Variants in PIGF observed in about 807,000 individuals in gnomAD.
The protein encoded by PIGF is GPI ethanolamine phosphate transferase, stabilizing subunit.
PIGF carries 23 observed loss-of-function variants against 26.0 expected under a neutral mutation model. The observed-to-expected ratio is 0.88, with a 90% confidence interval of 0.64 to 1.25. PIGF has a LOEUF of 1.25. PIGF is among the 50% of genes most tolerant of loss of function. The pLI is 0.00. For synonymous variants in PIGF, 93 were observed against 92.6 expected (o/e 1.00, Z -0.03); for missense variants, 278 against 249.9 (o/e 1.11, Z -0.76).
At chr2:46,582,935 A>G (rs574609440) in intron 5 of PIGF, 2 of 152,390 alleles carry the variant, frequency 1.3e-5, no homozygotes, top group South Asian at 4.1e-4. Flanking sequence ...GGTGGTTCAC[A>G]TTAAAGTATC....
Position 46,581,455 on chromosome 2 carries a change from A to G in PIGF, c.*23T>C, listed in dbSNP as rs1669369118. The G allele has an allele frequency of 1.9e-6, 3 of 1,606,494 alleles. No homozygotes were observed. Among genetic ancestry groups the G allele is most frequent in the Non-Finnish European group, 2.5e-6 (3 of 1,176,856 alleles). On this transcript the variant is annotated 3_prime_UTR_variant, in exon 6 of 6. Coordinates refer to ENST00000281382, the MANE Select transcript of PIGF (RefSeq NM_002643.4). ...CCCAGCCCTTACAGAATCTGCACAA[A>G]GAAATATCTCCCTTTGCTCCAGTTA...
chr2:46,616,668 C>G (rs1263320335), intron 1 of PIGF: 3 of 155,638 alleles, frequency 1.9e-5, no homozygotes, highest in Non-Finnish European at 4.3e-5. Context: ...CAGCCCCACC[C>G]CAACCCGGGT....
intron 5 of PIGF, among the ~76,000 whole-genome samples, chr2:46,584,745 AT>A (rs1022703257): frequency 7.2e-5 from 11 of 152,166 alleles, no homozygotes. Flanking sequence ...TGAAATAAGC[AT>A]TTCTTAATCG....
chr2:46,607,416 A>G (rs1226796165), intron 4 of PIGF, among the ~76,000 whole-genome samples: 1 of 152,238 alleles, frequency 6.6e-6, no homozygotes, highest in African/African-American at 2.4e-5. Flanking sequence ...GTTCCAGACC[A>G]CCAGAATAAA....
At position 46,613,761 on chromosome 2, in the gene PIGF, T is replaced by C. The variant is rs373359697; in HGVS notation, c.253A>G (p.Ile85Val). 20 of 1,553,990 alleles carry C rather than the reference T, an allele frequency of 1.3e-5. No homozygotes were observed. In the South Asian group the frequency reaches 1.6e-4, roughly 12 times the overall value. Residue 85 changes from isoleucine (I) to valine (V), a missense_variant, in exon 3 of 6, where the codon ATC (isoleucine) becomes GTC (valine). Physicochemically the swap from Ile to Val is conservative, Grantham distance 29. Coordinates refer to ENST00000281382, the MANE Select transcript of PIGF (RefSeq NM_002643.4). ...HKVTGFLKCCIYFLMSCFSFH... is the reference protein window; with the variant it reads ...HKVTGFLKCCVYFLMSCFSFH... ...GAGAAACAAGACATAAGAAAGTAGA[T>C]ACAGCATTTCAAAAATCCAGTTACC...
chr2:46,600,897 A>AT (rs1310987873), intron 4 of PIGF, among the ~76,000 whole-genome samples: 2 of 151,970 alleles, frequency 1.3e-5, no homozygotes, highest in Non-Finnish European at 2.9e-5. Context: ...TAGTTTAACT[A>AT]TTTTGTTTTA....
chr2:46,594,501 G>A (rs6733143), intron 4 of PIGF, among the ~76,000 whole-genome samples: 17,947 of 151,566 alleles, frequency 0.12, 1,304 homozygotes, highest in African/African-American at 0.21. Context: ...GTGGAAGAAC[G>A]AGAAATAAGG....
chr2:46,596,839 A>G (rs936967389), intron 4 of PIGF, among the ~76,000 whole-genome samples: 1 of 152,314 alleles, frequency 6.6e-6, no homozygotes, highest in Non-Finnish European at 1.5e-5. Flanking sequence ...AACCGAATCA[A>G]TAGTAATGTC....
At chr2:46,595,442 T>G (rs999492917) in intron 4 of PIGF, among the ~76,000 whole-genome samples, 6 of 152,244 alleles carry the variant, frequency 3.9e-5, no homozygotes, top group African/African-American at 1.4e-4. Context: ...ATTTCATTCC[T>G]TTTTATGGCT....
In PIGF at chr2:46,613,773, A is replaced by G; in HGVS notation, c.241T>C (p.Leu81=). Residue 81 remains leucine (L), a synonymous_variant, in exon 3 of 6, where the codon TTG becomes CTG. Coordinates refer to ENST00000281382, the MANE Select transcript of PIGF (RefSeq NM_002643.4). ...ATAAGAAAGTAGATACAGCATTTCA[A>G]AAATCCAGTTACCTAAAAGAGAAAT... ...SSLSHKVTGF[L]KCCIYFLMSC... is the part of the protein sequence containing the mutation. 1 of 1,552,922 alleles carries G rather than the reference A, an allele frequency of 6.4e-7. No homozygotes were observed.
At chr2:46,614,040 TTC>T (rs565044741) in intron 2 of PIGF, 25 of 354,736 alleles carry the variant, frequency 7.0e-5, no homozygotes, top group African/African-American at 4.9e-4. Flanking sequence ...CGAAAAGAGG[TTC>T]TGTTTCCATG....
chr2:46,583,439 A>G (rs570748133), intron 5 of PIGF, among the ~76,000 whole-genome samples: 4 of 152,258 alleles, frequency 2.6e-5, no homozygotes, highest in African/African-American at 4.8e-5. Context: ...GATGGTAAAA[A>G]TCATGTATAT....
At chr2:46,615,968 C>CTTTATTAATTTAA (rs1670607476) in intron 1 of PIGF, 1 of 152,016 alleles carries the variant, frequency 6.6e-6, no homozygotes, top group Admixed American at 6.5e-5. Flanking sequence ...TTTAAAGTAA[C>CTTTATTAATTTAA]AGTCAATATG....
At chr2:46,600,173 A>AG (rs1670011689) in intron 4 of PIGF, among the ~76,000 whole-genome samples, 1 of 152,238 alleles carries the variant, frequency 6.6e-6, no homozygotes, top group Non-Finnish European at 1.5e-5. Flanking sequence ...CCCCCTTAGC[A>AG]GATCCCTGTA....
intron 4 of PIGF, among the ~76,000 whole-genome samples, chr2:46,608,598 C>T (rs995683213): frequency 6.6e-6 from 1 of 152,142 alleles, no homozygotes; most frequent in Admixed American, 6.5e-5. Flanking sequence ...TATAGCCTTA[C>T]AAAATGTGTT....
intron 4 of PIGF, among the ~76,000 whole-genome samples, chr2:46,607,601 G>C (rs1368584680): frequency 2.0e-5 from 3 of 152,130 alleles, no homozygotes; most frequent in African/African-American, 7.2e-5. Flanking sequence ...TGAGCCTTCA[G>C]CAAGTTGTAA....
chr2:46,591,033 T>C (rs1018533767), intron 5 of PIGF, among the ~76,000 whole-genome samples: 1 of 152,188 alleles, frequency 6.6e-6, no homozygotes, highest in Admixed American at 6.5e-5. Context: ...ATTTAATTCA[T>C]CAATTCATTA....
chr2:46,595,133 A>T (rs1669843688), intron 4 of PIGF, among the ~76,000 whole-genome samples: 1 of 152,190 alleles, frequency 6.6e-6, no homozygotes, highest in Admixed American at 6.5e-5. Flanking sequence ...TTCTAGCCAT[A>T]CAATTCACTA....
In PIGF at chr2:46,589,811, T is replaced by G. The variant is rs1669673864; in HGVS notation, c.546+2664A>C. On this transcript the variant is annotated intron_variant, in intron 5 of 5. Coordinates refer to ENST00000281382, the MANE Select transcript of PIGF (RefSeq NM_002643.4). This position sits in a 1 kb window ranked among gnomAD's most constrained non-coding sequence, Gnocchi z 4.7. ...TCTGGGAGATGCTGTTCTGTGGAGT[T>G]AGAATTATTAAAAAATAACAATAAC... is the stretch of plus-strand genomic sequence containing the variant. 6.6e-6 allele frequency among the ~76,000 whole-genome samples: 1 copy of G among 151,960 alleles called. No individual in the cohort carries two copies. Among genetic ancestry groups the G allele is most frequent in the Admixed American group, 6.6e-5 (1 of 15,248 alleles).
Sources: gnomAD v4.1 joint callset for allele counts (sites outside exome capture counted in the v4.1 genomes callset) on GRCh38, gnomAD v4.1.1 for gene constraint, Gnocchi (gnomAD v3.1) non-coding constraint, MANE v1.5 for transcripts, NCBI Gene and HGNC (gene_info 2026-07-23, HGNC 2026-07-21) for gene names.